CKMT2: variants seen among roughly 807,000 people sequenced by gnomAD.
The protein encoded by CKMT2 is creatine kinase, mitochondrial 2, also known as creatine kinase S-type, mitochondrial.
In CKMT2, 43 loss-of-function variants were observed where a neutral mutation model predicts 48.9. The ratio of observed to expected loss-of-function variants is 0.88; its 90% confidence interval spans 0.69 to 1.13. The LOEUF (loss-of-function observed/expected upper bound fraction) is 1.13, where lower values mean the gene tolerates loss of function less well. Among genes scored for constraint, CKMT2 ranks in the 50% most tolerant of loss-of-function variants. CKMT2 has a pLI of 0.00. For synonymous variants in CKMT2, 206 were observed against 213.0 expected (o/e 0.97, Z 0.29); for missense variants, 472 against 555.4 (o/e 0.85, Z 1.51).
At chr5:81,249,726 G>C (rs1268240591) in intron 1 of CKMT2, among the ~76,000 whole-genome samples, 1 of 151,820 alleles carries the variant, frequency 6.6e-6, no homozygotes, top group Non-Finnish European at 1.5e-5. Context: ...CTTTGTTATT[G>C]ATCTGTTTTT....
intron 5 of CKMT2, 144 bp downstream of exon 5, chr5:81,255,358 C>G (rs187319640): frequency 2.9e-6 from 2 of 690,576 alleles, no homozygotes; most frequent in Non-Finnish European, 5.0e-6. Flanking sequence ...CCAAGAGCAT[C>G]TACTTATTCA....
intron 5 of CKMT2, among the ~76,000 whole-genome samples, chr5:81,255,710 C>G (rs542426880): frequency 8.5e-5 from 13 of 152,198 alleles, no homozygotes; most frequent in Non-Finnish European, 1.5e-4. Context: ...ACCATGTCTA[C>G]CACGGCTTCC....
intron 5 of CKMT2, among the ~76,000 whole-genome samples, chr5:81,256,050 C>T (rs993096809): frequency 2.0e-5 from 3 of 152,272 alleles, no homozygotes; most frequent in African/African-American, 7.2e-5. Context: ...ATCTCTCCCA[C>T]TTAGAGACTG....
At chr5:81,234,854 T>C (rs149451615) in intron 1 of CKMT2, among the ~76,000 whole-genome samples, 86 of 152,232 alleles carry the variant, frequency 5.6e-4, no homozygotes, top group African/African-American at 2.0e-3. Flanking sequence ...ATCTCTGCCA[T>C]AGCCTACAGC....
intron 5 of CKMT2, among the ~76,000 whole-genome samples, chr5:81,256,350 A>ATAAT (rs1157935590): frequency 1.3e-5 from 2 of 152,188 alleles, no homozygotes; most frequent in Non-Finnish European, 2.9e-5. Context: ...CATTTATAAA[A>ATAAT]TAATTACACT....
At chr5:81,238,740 A>T (rs1454668146) in intron 1 of CKMT2, 1 of 152,398 alleles carries the variant, frequency 6.6e-6, no homozygotes, top group African/African-American at 2.4e-5. Flanking sequence ...TCCTCCCTTT[A>T]TCCACCAGGC....
At chr5:81,235,970 G>A (rs979777773) in intron 1 of CKMT2, 1 of 152,222 alleles carries the variant, frequency 6.6e-6, no homozygotes, top group Admixed American at 6.5e-5. Flanking sequence ...GGGAAACTGA[G>A]GCAGAAAGCT....
chr5:81,236,645 G>C (rs1756251977), intron 1 of CKMT2, among the ~76,000 whole-genome samples: 1 of 152,172 alleles, frequency 6.6e-6, no homozygotes, highest in African/African-American at 2.4e-5. Context: ...TCAAGCAAAG[G>C]CTCAGAGGTG....
At chr5:81,258,207 A>AT (rs1031226315) in intron 7 of CKMT2, among the ~76,000 whole-genome samples, 9 of 150,138 alleles carry the variant, frequency 6.0e-5, no homozygotes, top group Non-Finnish European at 1.2e-4. Flanking sequence ...GCCTCAAGGC[A>AT]TTTTTTGGAT....
At chr5:81,255,789 T>C (rs1304955972) in intron 5 of CKMT2, among the ~76,000 whole-genome samples, 1 of 150,012 alleles carries the variant, frequency 6.7e-6, no homozygotes, top group Non-Finnish European at 1.5e-5. Flanking sequence ...TAAAACAAGA[T>C]GGCATTTTCA....
chr5:81,234,519 C>A (rs1334076919), intron 1 of CKMT2, among the ~76,000 whole-genome samples: 2 of 152,186 alleles, frequency 1.3e-5, no homozygotes, highest in East Asian at 1.9e-4. Context: ...TTCCGGGAGG[C>A]TCTTGGCCTT....
chr5:81,258,223 A>G (rs1372335629), intron 7 of CKMT2, among the ~76,000 whole-genome samples: 2 of 150,496 alleles, frequency 1.3e-5, no homozygotes, highest in Non-Finnish European at 2.9e-5. Context: ...TGGATGAGCC[A>G]CCACGCCCAG....
intron 5 of CKMT2, among the ~76,000 whole-genome samples, chr5:81,256,581 A>G (rs911940020): frequency 6.6e-6 from 1 of 152,176 alleles, no homozygotes; most frequent in Non-Finnish European, 1.5e-5. Context: ...CAGCCATTGT[A>G]TAGGGTTGGT....
Position 81,242,280 on chromosome 5 carries a change from G to C in CKMT2, c.-20-8833G>C, listed in dbSNP as rs558607328. The C allele has an allele frequency of 3.6e-5, 11 of 304,170 alleles. No homozygotes were observed. In the South Asian group the frequency reaches 3.9e-4, roughly 11 times the overall value. 18.8% of individuals were successfully genotyped at this position (304,170 alleles called of 1,614,324 possible). ...AAATGTGTGTCACATCATATAAGTA[G>C]ATTTCATTCAAAAGTTTGTGGGCTT... On this transcript the variant is annotated intron_variant, in intron 1 of 9. Coordinates refer to ENST00000254035, the MANE Select transcript of CKMT2 (RefSeq NM_001099735.2).
At chr5:81,244,628 C>T (rs1756546654) in intron 1 of CKMT2, 1 of 152,176 alleles carries the variant, frequency 6.6e-6, no homozygotes, top group South Asian at 2.1e-4. Flanking sequence ...GACGAGTATA[C>T]CAAAGCAGGC....
intron 1 of CKMT2, 137 bp from the exon 2 acceptor site, chr5:81,250,976 C>CACACACACACACACACACAG: frequency 1.5e-6 from 1 of 659,546 alleles, no homozygotes; most frequent in Non-Finnish European, 2.6e-6. Context: ...CACACACACA[C>CACACACACACACACACACAG]ACAGAAAGAG....
chr5:81,234,986 C>T (rs1756206150), intron 1 of CKMT2, among the ~76,000 whole-genome samples: 1 of 152,190 alleles, frequency 6.6e-6, no homozygotes, highest in Admixed American at 6.5e-5. Flanking sequence ...CTGGAGGTCA[C>T]ACTAACCCTT....
intron 8 of CKMT2, among the ~76,000 whole-genome samples, chr5:81,263,196 G>A (rs1039068864): frequency 6.6e-6 from 1 of 151,460 alleles, no homozygotes; most frequent in African/African-American, 2.4e-5. Flanking sequence ...TTTGGGGAGG[G>A]ATAGCATTAG....
chr5:81,261,123 T>C (rs1406764396), intron 8 of CKMT2, among the ~76,000 whole-genome samples: 1 of 152,194 alleles, frequency 6.6e-6, no homozygotes, highest in South Asian at 2.1e-4. Flanking sequence ...AACCACATGA[T>C]TATCTCAATA....
Sources: gnomAD v4.1 joint callset for allele counts (sites outside exome capture counted in the v4.1 genomes callset) on GRCh38, gnomAD v4.1.1 for gene constraint, MANE v1.5 for transcripts, NCBI Gene and HGNC (gene_info 2026-07-23, HGNC 2026-07-21) for gene names.